Variants in NLGN1 observed in about 807,000 individuals in gnomAD.
The protein encoded by NLGN1 is neuroligin-1.
Under a neutral mutation model 65.5 loss-of-function variants are expected in NLGN1, and 12 were observed. The ratio of observed to expected loss-of-function variants is 0.18; its 90% confidence interval spans 0.12 to 0.30. NLGN1 has a LOEUF of 0.30. NLGN1 is among the 10% of genes least tolerant of loss of function. The pLI, the probability that NLGN1 is intolerant of heterozygous loss-of-function variation, is 1.00. For missense variants in NLGN1, 750 were observed against 1,007.1 expected, an observed-to-expected ratio of 0.74 and a Z score of 3.46; for synonymous variants, 350 against 359.5, an observed-to-expected ratio of 0.97 and a Z score of 0.30.
At chr3:173,764,849 TGACTTA>T (rs1412098672) in intron 3 of NLGN1, among the ~76,000 whole-genome samples, 2 of 152,160 alleles carry the variant, frequency 1.3e-5, no homozygotes, top group Non-Finnish European at 2.9e-5. Flanking sequence ...CTAGAATAAA[TGACTTA>T]TTACTTTGTC....
At chr3:173,939,369 A>G (rs528393734) in intron 4 of NLGN1, among the ~76,000 whole-genome samples, 1 of 152,258 alleles carries the variant, frequency 6.6e-6, no homozygotes, top group Admixed American at 6.5e-5. Context: ...ATGAAGTTCC[A>G]TGTCCTATTG....
At chr3:173,873,171 C>T (rs1731490282) in intron 4 of NLGN1, among the ~76,000 whole-genome samples, 1 of 151,884 alleles carries the variant, frequency 6.6e-6, no homozygotes, top group Non-Finnish European at 1.5e-5. Flanking sequence ...TCACTGCAAC[C>T]TCTGCCTCCC....
intron 3 of NLGN1, among the ~76,000 whole-genome samples, chr3:173,802,707 C>T (rs1233033913): frequency 6.6e-6 from 1 of 152,120 alleles, no homozygotes; most frequent in East Asian, 1.9e-4. Context: ...GTCAGGTCAT[C>T]AGATCACTTA....
At chr3:173,966,381 TAGA>T (rs1714869379) in intron 4 of NLGN1, among the ~76,000 whole-genome samples, 1 of 152,178 alleles carries the variant, frequency 6.6e-6, no homozygotes, top group Non-Finnish European at 1.5e-5. Flanking sequence ...TATTGTGAAG[TAGA>T]AGGTCAATCT....
intron 2 of NLGN1, among the ~76,000 whole-genome samples, chr3:173,590,344 T>C (rs1748259974): frequency 6.6e-6 from 1 of 152,194 alleles, no homozygotes; most frequent in South Asian, 2.1e-4. Context: ...CCTGTTTAAC[T>C]GTGCCAAGTG....
rs915460352 is a variant in NLGN1 at position 174,093,338 on chromosome 3, C to T, written c.647-181977C>T. ...AAAGATACCTGTTTACAGAATAGTG[C>T]TTTCTTTACTAAAATTCTACATTGC... On this transcript the variant is annotated intron_variant, in intron 4 of 6. Transcript: ENST00000457714. Among the ~76,000 whole-genome samples the T allele has an allele frequency of 2.6e-5, 4 of 152,150 alleles. No individual in the cohort carries two copies. The South Asian group carries it at 8.3e-4, about 31-fold the overall frequency.
At chr3:174,045,984 C>A (rs1366822549) in intron 4 of NLGN1, among the ~76,000 whole-genome samples, 1 of 152,090 alleles carries the variant, frequency 6.6e-6, no homozygotes, top group Non-Finnish European at 1.5e-5. Context: ...GATTTAAAAT[C>A]CTACTAGGGC....
intron 4 of NLGN1, among the ~76,000 whole-genome samples, chr3:174,143,752 A>T (rs1305879765): frequency 6.6e-6 from 1 of 152,208 alleles, no homozygotes. Flanking sequence ...CTTCCATCAG[A>T]CACAAGTTTA....
At chr3:174,191,079 A>G (rs1434576423) in intron 4 of NLGN1, among the ~76,000 whole-genome samples, 2 of 152,116 alleles carry the variant, frequency 1.3e-5, no homozygotes, top group Non-Finnish European at 2.9e-5. Context: ...CAGTTAGCAG[A>G]AGCCTTTCCA....
chr3:173,510,568 A>T (rs1244356138), intron 2 of NLGN1, among the ~76,000 whole-genome samples: 1 of 152,196 alleles, frequency 6.6e-6, no homozygotes, highest in African/African-American at 2.4e-5. Context: ...GATGTTGGAA[A>T]TGTATTAATT....
intron 4 of NLGN1, among the ~76,000 whole-genome samples, chr3:174,241,541 A>C (rs1027990835): frequency 2.6e-5 from 4 of 151,916 alleles, no homozygotes; most frequent in African/African-American, 9.7e-5. Context: ...AATACTTCGT[A>C]TATATAGAAG....
At chr3:173,701,629 A>T (rs1458136868) in intron 3 of NLGN1, among the ~76,000 whole-genome samples, 1 of 152,248 alleles carries the variant, frequency 6.6e-6, no homozygotes, top group Non-Finnish European at 1.5e-5. Flanking sequence ...CAGGAAACTA[A>T]TACACAGTTA....
intron 3 of NLGN1, among the ~76,000 whole-genome samples, chr3:173,801,208 C>T (rs867588502): frequency 6.6e-6 from 1 of 151,966 alleles, no homozygotes; most frequent in Non-Finnish European, 1.5e-5. Context: ...CTGATTTACT[C>T]TGTAAACCTA....
chr3:173,571,992 T>C (rs377462012), intron 2 of NLGN1, among the ~76,000 whole-genome samples: 3 of 152,222 alleles, frequency 2.0e-5, no homozygotes, highest in Non-Finnish European at 4.4e-5. Flanking sequence ...GGAAAAAGAA[T>C]AATTTTTCCC....
chr3:173,445,302 C>G (rs903477749), intron 2 of NLGN1, among the ~76,000 whole-genome samples: 3 of 147,480 alleles, frequency 2.0e-5, no homozygotes, highest in African/African-American at 7.7e-5. Flanking sequence ...AAAACAAGGA[C>G]TTGTGTGAAG....
intron 4 of NLGN1, among the ~76,000 whole-genome samples, chr3:174,132,748 A>G (rs559984270): frequency 6.6e-6 from 1 of 152,298 alleles, no homozygotes; most frequent in African/African-American, 2.4e-5. Context: ...AGGACATTCA[A>G]TCCAACAAAT....
intron 4 of NLGN1, among the ~76,000 whole-genome samples, chr3:174,003,153 A>G (rs1723646997): frequency 6.6e-6 from 1 of 152,130 alleles, no homozygotes. Flanking sequence ...AGAAGGAATA[A>G]TAGTGTTTAA....
In NLGN1 at chr3:173,444,718, GTCTA is replaced by G. The variant is rs568465265; in HGVS notation, c.-321+9654_-321+9657del. Among the ~76,000 whole-genome samples, 60 of 151,792 alleles carry G rather than the reference GTCTA, an allele frequency of 4.0e-4. 1 individual carries two copies. In the Middle Eastern group the frequency reaches 0.01, roughly 26 times the overall value. ...GATGGTCACAACTATATATTGCAGT[GTCTA>G]TCTATCTATCTATATATACACATAT... On this transcript the variant is annotated intron_variant, in intron 2 of 6. Transcript: ENST00000457714.
intron 4 of NLGN1, among the ~76,000 whole-genome samples, chr3:174,257,545 G>A (rs1233516897): frequency 1.3e-5 from 2 of 152,042 alleles, no homozygotes; most frequent in African/African-American, 4.8e-5. Flanking sequence ...AAGAAAATGG[G>A]GGTACATATA....
Sources: allele counts gnomAD v4.1 joint callset (sites outside exome capture counted in the v4.1 genomes callset), GRCh38; gene constraint gnomAD v4.1.1; transcripts MANE v1.5; gene names NCBI Gene and HGNC (gene_info 2026-07-23, HGNC 2026-07-21).